PSD3: variants seen among roughly 807,000 people sequenced by gnomAD.
PSD3 encodes pleckstrin and Sec7 domain containing 3, also known as PH and SEC7 domain-containing protein 3.
In PSD3, 49 loss-of-function variants were observed where a neutral mutation model predicts 105.5. The ratio of observed to expected loss-of-function variants is 0.46; its 90% CI spans 0.37 to 0.59. The LOEUF (loss-of-function observed/expected upper bound fraction) is 0.59. Among genes scored for constraint, PSD3 ranks in the 20% least tolerant of loss-of-function variants. PSD3 has a pLI of 0.00. For missense variants in PSD3, 1,561 were observed against 1,263.8 expected (o/e 1.24, Z -3.57); for synonymous variants, 557 against 457.8 (o/e 1.22, Z -2.77).
intron 4 of PSD3, among the ~76,000 whole-genome samples, chr8:18,844,116 G>A (rs894271029): frequency 5.3e-5 from 8 of 152,016 alleles, no homozygotes; most frequent in Non-Finnish European, 1.0e-4. Context: ...ATTATGGGAA[G>A]ACTCCCATCA....
intron 11 of PSD3, among the ~76,000 whole-genome samples, chr8:18,611,031 C>A (rs780877706): frequency 3.3e-5 from 5 of 152,036 alleles, no homozygotes; most frequent in Non-Finnish European, 5.9e-5. Flanking sequence ...CATACCCTAC[C>A]CCTAAATAAT....
intron 1 of PSD3, among the ~76,000 whole-genome samples, chr8:19,040,408 G>T (rs1828082532): frequency 6.6e-6 from 1 of 152,100 alleles, no homozygotes; most frequent in Non-Finnish European, 1.5e-5. Context: ...GTCTTGCCAT[G>T]TTGCCCAGGC....
At chr8:18,771,910 G>A (rs994405323) in intron 8 of PSD3, among the ~76,000 whole-genome samples, 1 of 152,114 alleles carries the variant, frequency 6.6e-6, no homozygotes, top group Non-Finnish European at 1.5e-5. Context: ...CCAGCCACTT[G>A]TAACCAACGT....
chr8:19,051,193 C>T (rs1264644894), intron 1 of PSD3, among the ~76,000 whole-genome samples: 1 of 152,148 alleles, frequency 6.6e-6, no homozygotes, highest in African/African-American at 2.4e-5. Context: ...AAGAGACCCT[C>T]CTCCCTCTGG....
intron 8 of PSD3, among the ~76,000 whole-genome samples, chr8:18,790,080 A>T (rs1809557490): frequency 1.3e-5 from 2 of 152,118 alleles, no homozygotes; most frequent in South Asian, 4.1e-4. Flanking sequence ...GGGTGGGGAA[A>T]GGGGACAGGT....
At chr8:18,786,528 G>C (rs1345758583) in intron 8 of PSD3, among the ~76,000 whole-genome samples, 1 of 152,130 alleles carries the variant, frequency 6.6e-6, no homozygotes, top group Non-Finnish European at 1.5e-5. Context: ...ATCTATGTCA[G>C]CACAAAGATA....
In PSD3 at chr8:19,036,794, G is replaced by T. The variant is rs535315318; in HGVS notation, c.324+47412C>A. Among the ~76,000 whole-genome samples the T allele has an allele frequency of 5.1e-4, 77 of 152,262 alleles. 1 individual carries two copies. The South Asian group carries it at 0.015, about 30-fold the overall frequency. Reference sequence around the variant, plus strand: ...CAGTCATTGAAATGTCCTCTTGTACGTGGTGGTAATGAATCAGACCAGGGC... The same window carrying T: ...CAGTCATTGAAATGTCCTCTTGTACTTGGTGGTAATGAATCAGACCAGGGC... On this transcript the variant is annotated intron_variant, in intron 1 of 1. Transcript: ENST00000521475.
chr8:18,946,274 T>G (rs1360021396), intron 1 of PSD3, among the ~76,000 whole-genome samples: 1 of 152,182 alleles, frequency 6.6e-6, no homozygotes, highest in African/African-American at 2.4e-5. Context: ...TAGCATTTTT[T>G]TCCTTTAAAA....
chr8:18,813,375 G>A lies in PSD3; in HGVS notation c.1635-8477C>T, dbSNP rs1811877891. Among the ~76,000 whole-genome samples the A allele has an allele frequency of 2.0e-5, 3 of 152,156 alleles. No homozygotes were observed. In the South Asian group the frequency reaches 6.2e-4, roughly 32 times the overall value. On this transcript the variant is annotated intron_variant, in intron 4 of 15. Coordinates refer to ENST00000327040, the MANE Select transcript of PSD3 (RefSeq NM_015310.4). Reference sequence around the variant, plus strand: ...ACAGGTTAACCAGGCAGAGCTGTCTGGTAGCAATGGCAACCATCCCCTGTC... The same window carrying A: ...ACAGGTTAACCAGGCAGAGCTGTCTAGTAGCAATGGCAACCATCCCCTGTC...
At position 18,655,621 on chromosome 8, in the gene PSD3, GC is replaced by G; in HGVS notation, c.2216+20del. The G allele has an allele frequency of 1.9e-6, 3 of 1,611,230 alleles. No homozygotes were observed. Among genetic ancestry groups the G allele is most frequent in the Non-Finnish European group, 1.7e-6 (2 of 1,177,482 alleles). Reference sequence around the variant, plus strand: ...AAAGTGAGTAGTTCATTATTAAAAGGCTGACGTCCAGCACACTTACACTGCC... The same window carrying G: ...AAAGTGAGTAGTTCATTATTAAAAGGTGACGTCCAGCACACTTACACTGCC... On this transcript the variant is annotated intron_variant, in intron 10 of 15. Coordinates refer to ENST00000327040, the MANE Select transcript of PSD3 (RefSeq NM_015310.4).
At chr8:18,969,629 T>C (rs1287161889) in intron 1 of PSD3, among the ~76,000 whole-genome samples, 1 of 152,248 alleles carries the variant, frequency 6.6e-6, no homozygotes, top group African/African-American at 2.4e-5. Context: ...CTTTTGAATG[T>C]TCATCTTTAG....
chr8:18,893,035 T>A (rs997458925), intron 2 of PSD3, among the ~76,000 whole-genome samples: 1 of 152,220 alleles, frequency 6.6e-6, no homozygotes, highest in Non-Finnish European at 1.5e-5. Context: ...GTGATATGTA[T>A]CTGTTTTGTG....
chr8:19,023,951 G>A (rs1275466944), intron 1 of PSD3, among the ~76,000 whole-genome samples: 1 of 152,120 alleles, frequency 6.6e-6, no homozygotes, highest in African/African-American at 2.4e-5. Flanking sequence ...GTACTGACTT[G>A]ACCATTAAAA....
intron 1 of PSD3, among the ~76,000 whole-genome samples, chr8:18,938,560 T>C (rs1479505020): frequency 6.7e-6 from 1 of 149,720 alleles, no homozygotes; most frequent in Non-Finnish European, 1.5e-5. Context: ...GACGTGGAGG[T>C]TGCAGTGAAC....
chr8:18,886,077 T>C (rs772460468), intron 2 of PSD3, among the ~76,000 whole-genome samples: 25 of 152,140 alleles, frequency 1.6e-4, no homozygotes, highest in Non-Finnish European at 2.9e-4. Flanking sequence ...TACAACATTA[T>C]GTCTTTCTAA....
At chr8:19,052,695 G>C (rs1464820755) in intron 1 of PSD3, among the ~76,000 whole-genome samples, 1 of 152,082 alleles carries the variant, frequency 6.6e-6, no homozygotes, top group Non-Finnish European at 1.5e-5. Context: ...ATATCAGAAT[G>C]GGTCAGATTG....
intron 2 of PSD3, chr8:18,924,931 A>G (rs1821265740): frequency 6.6e-6 from 1 of 152,240 alleles, no homozygotes; most frequent in South Asian, 2.1e-4. Flanking sequence ...TTTCTAAGAC[A>G]TGACATGGGA....
chr8:18,638,711 A>T (rs945296495), intron 10 of PSD3, among the ~76,000 whole-genome samples: 7 of 152,094 alleles, frequency 4.6e-5, no homozygotes, highest in African/African-American at 1.7e-4. Context: ...CCAAATTCCA[A>T]TGTCATTTTT....
chr8:19,014,089 A>T (rs1188345410), upstream of PSD3: 1 of 152,280 alleles, frequency 6.6e-6, no homozygotes, highest in Non-Finnish European at 1.5e-5. This position sits in a 1 kb window ranked among gnomAD's most constrained non-coding sequence, Gnocchi z 4.9. Context: ...CTTCCTTCAC[A>T]GTTTTCCCAC....
Sources: allele counts gnomAD v4.1 joint callset (sites outside exome capture counted in the v4.1 genomes callset), GRCh38; gene constraint gnomAD v4.1.1; non-coding constraint Gnocchi (gnomAD v3.1); transcripts MANE v1.5; gene names NCBI Gene and HGNC (gene_info 2026-07-23, HGNC 2026-07-21).